MYO1B: variants seen among roughly 807,000 people sequenced by gnomAD.
The protein encoded by MYO1B is myosin IB, also known as unconventional myosin-Ib.
Under a neutral mutation model 159.7 loss-of-function variants are expected in MYO1B, and 72 were observed. The ratio of observed to expected loss-of-function variants is 0.45; its 90% CI spans 0.37 to 0.55. The LOEUF is 0.55. Ranked by LOEUF, MYO1B falls within the 20% of genes least tolerant of loss-of-function variation. The pLI, the probability that MYO1B is intolerant of heterozygous loss-of-function variation, is 0.00. For synonymous variants in MYO1B, 468 were observed against 473.8 expected (o/e 0.99, Z 0.16); for missense variants, 1,062 against 1,364.8 (o/e 0.78, Z 3.50).
intron 3 of MYO1B, among the ~76,000 whole-genome samples, chr2:191,299,564 C>G (rs1351743892): frequency 2.6e-5 from 4 of 152,358 alleles, no homozygotes; most frequent in East Asian, 3.9e-4. Context: ...TAGGGAGGAA[C>G]CGTCCTCACT....
chr2:191,343,567 T>C (rs997722113), intron 5 of MYO1B, among the ~76,000 whole-genome samples: 1 of 152,262 alleles, frequency 6.6e-6, no homozygotes, highest in Admixed American at 6.5e-5. Flanking sequence ...GAAAGCGATA[T>C]CTCTCAATTT....
At chr2:191,304,902 A>G (rs184898418) in intron 3 of MYO1B, among the ~76,000 whole-genome samples, 7 of 152,312 alleles carry the variant, frequency 4.6e-5, no homozygotes, top group Admixed American at 4.6e-4. Context: ...AGCCAAGCCT[A>G]TGTTCACACC....
intron 3 of MYO1B, among the ~76,000 whole-genome samples, chr2:191,304,991 A>T (rs940344901): frequency 2.6e-5 from 4 of 152,230 alleles, no homozygotes; most frequent in African/African-American, 9.7e-5. Context: ...AACTGCCAAG[A>T]TGTGGCTGAC....
chr2:191,352,273 A>G (rs892253982), intron 7 of MYO1B, among the ~76,000 whole-genome samples: 8 of 152,242 alleles, frequency 5.3e-5, no homozygotes, highest in Admixed American at 2.6e-4. Context: ...AATGATATTC[A>G]TGAGCCTTTA....
chr2:191,384,956 A>G (rs1488045924), intron 15 of MYO1B, among the ~76,000 whole-genome samples: 1 of 152,198 alleles, frequency 6.6e-6, no homozygotes, highest in South Asian at 2.1e-4. Context: ...ACGCTTCCCC[A>G]GGGTTTTGTG....
intron 1 of MYO1B, among the ~76,000 whole-genome samples, chr2:191,270,197 G>A (rs1321861573): frequency 6.6e-6 from 1 of 152,138 alleles, no homozygotes; most frequent in African/African-American, 2.4e-5. Flanking sequence ...TACAAAACAA[G>A]GAAAGGTGGC....
chr2:191,347,905 T>C (rs564213210), intron 6 of MYO1B, among the ~76,000 whole-genome samples: 1 of 152,338 alleles, frequency 6.6e-6, no homozygotes, highest in Non-Finnish European at 1.5e-5. Context: ...TAACCTGGAA[T>C]GAATTCCTTG....
intron 1 of MYO1B, among the ~76,000 whole-genome samples, chr2:191,248,584 A>G (rs2125646256): frequency 6.6e-6 from 1 of 152,314 alleles, no homozygotes; most frequent in South Asian, 2.1e-4. Context: ...GTATCGTACT[A>G]CATGTGGCTA....
intron 3 of MYO1B, among the ~76,000 whole-genome samples, chr2:191,316,417 C>A (rs189221929): frequency 2.6e-4 from 40 of 152,242 alleles, no homozygotes; most frequent in Admixed American, 2.3e-3. Flanking sequence ...AGTCTTTGGG[C>A]CTCGGGAGTT....
intron 3 of MYO1B, among the ~76,000 whole-genome samples, chr2:191,324,486 T>C (rs1292754627): frequency 6.6e-6 from 1 of 152,204 alleles, no homozygotes; most frequent in African/African-American, 2.4e-5. Context: ...TGTCCCACTT[T>C]ATGTGAAATG....
intron 12 of MYO1B, 135 bp downstream of exon 12, chr2:191,369,763 C>T: frequency 1.4e-6 from 1 of 702,044 alleles, no homozygotes; most frequent in Non-Finnish European, 2.4e-6. Flanking sequence ...AAAGAGTGTA[C>T]CATGTATAAG....
chr2:191,391,998 A>C, intron 18 of MYO1B, 110 bp from the exon 19 acceptor site: 1 of 641,890 alleles, frequency 1.6e-6, no homozygotes, highest in Non-Finnish European at 2.6e-6. Flanking sequence ...GAGCAATTAC[A>C]CTTGGAAATG....
intron 3 of MYO1B, among the ~76,000 whole-genome samples, chr2:191,321,395 GA>G (rs1690700916): frequency 6.6e-6 from 1 of 152,140 alleles, no homozygotes; most frequent in Non-Finnish European, 1.5e-5. Context: ...AAAAAGTTTG[GA>G]AACATTTGTG....
intron 13 of MYO1B, among the ~76,000 whole-genome samples, chr2:191,378,784 G>T (rs540081288): frequency 4.6e-5 from 7 of 152,172 alleles, no homozygotes; most frequent in Non-Finnish European, 1.0e-4. Context: ...CTTCAAGCGG[G>T]ATTGGGGCAG....
intron 1 of MYO1B, among the ~76,000 whole-genome samples, chr2:191,268,035 C>G (rs1215580863): frequency 6.6e-6 from 1 of 152,178 alleles, no homozygotes; most frequent in East Asian, 1.9e-4. Context: ...GGGGCTTGTG[C>G]ACATTGAGAA....
intron 2 of MYO1B, among the ~76,000 whole-genome samples, chr2:191,284,290 A>G (rs2883912): frequency 0.53 from 80,705 of 152,052 alleles, 22,139 homozygotes; most frequent in East Asian, 0.66. Context: ...AAAAATTTTA[A>G]TAATCCTAAT....
chr2:191,399,267 TGGGGAGAGGGAGA>T (rs1344646673), intron 21 of MYO1B, among the ~76,000 whole-genome samples: 45 of 118,846 alleles, frequency 3.8e-4, no homozygotes, highest in Middle Eastern at 8.3e-3. Context: ...AAGGAGACCG[TGGGGAGAGGGAGA>T]GGGAGAGGGA....
At chr2:191,305,652 A>C (rs769683669) in intron 3 of MYO1B, among the ~76,000 whole-genome samples, 1 of 152,204 alleles carries the variant, frequency 6.6e-6, no homozygotes, top group Non-Finnish European at 1.5e-5. Flanking sequence ...TAAATACCGA[A>C]GGGAGAAAGC....
chr2:191,339,832 G>A (rs1204226654), intron 4 of MYO1B, among the ~76,000 whole-genome samples: 2 of 152,176 alleles, frequency 1.3e-5, no homozygotes, highest in East Asian at 3.9e-4. Context: ...ATGCTTTTAG[G>A]TTGCGCAAAA....
Sources: allele counts gnomAD v4.1 joint callset (sites outside exome capture counted in the v4.1 genomes callset), GRCh38; gene constraint gnomAD v4.1.1; transcripts MANE v1.5; gene names NCBI Gene and HGNC (gene_info 2026-07-23, HGNC 2026-07-21).